Variants in ACOT11 observed in about 807,000 individuals in gnomAD.
The protein encoded by ACOT11 is acyl-CoA thioesterase 11.
A neutral mutation model predicts 77.5 loss-of-function variants in ACOT11; 69 were observed. The ratio of observed to expected loss-of-function variants is 0.89; its 90% CI spans 0.73 to 1.09. The LOEUF is 1.09. ACOT11 is among the 50% of genes least tolerant of loss of function. The pLI, the probability that ACOT11 is intolerant of heterozygous loss-of-function variation, is 0.00. For missense variants in ACOT11, 766 were observed against 813.7 expected (o/e 0.94, Z 0.71); for synonymous variants, 279 against 313.0 (o/e 0.89, Z 1.15).
chr1:54,573,125 A>G (rs1569680829), intron 1 of ACOT11: 5 of 985,416 alleles, frequency 5.1e-6, no homozygotes, highest in Non-Finnish European at 4.8e-6. Context: ...GGCTCCAGGT[A>G]TGGGTCCTGG....
intron 1 of ACOT11, among the ~76,000 whole-genome samples, chr1:54,560,980 C>A (rs1653455371): frequency 6.6e-6 from 1 of 151,944 alleles, no homozygotes; most frequent in African/African-American, 2.4e-5. Flanking sequence ...ACCTCGGCCT[C>A]CCAAAGTGCT....
chr1:54,614,291 A>C (rs1378542464), downstream of ACOT11, among the ~76,000 whole-genome samples: 1 of 152,202 alleles, frequency 6.6e-6, no homozygotes, highest in Non-Finnish European at 1.5e-5. Context: ...CTTCTCTAGC[A>C]GGCCAAATCC....
At chr1:54,616,131 G>A (rs766409875) in intron 15 of ACOT11, 2 of 1,614,162 alleles carry the variant, frequency 1.2e-6, no homozygotes, top group South Asian at 1.1e-5. Flanking sequence ...GCTGTGCCGA[G>A]CCCTTCTACA....
intron 1 of ACOT11, among the ~76,000 whole-genome samples, chr1:54,554,353 T>TATATATATATA (rs1557644014): frequency 1.1e-3 from 37 of 33,428 alleles, no homozygotes; most frequent in Non-Finnish European, 2.5e-3. Flanking sequence ...ATATATATAT[T>TATATATATATA]TTTTTTTTTT....
At chr1:54,551,711 TTTTG>T (rs1429601711) in intron 1 of ACOT11, among the ~76,000 whole-genome samples, 2 of 150,926 alleles carry the variant, frequency 1.3e-5, no homozygotes, top group Non-Finnish European at 2.9e-5. Context: ...GCTGTTTTTG[TTTTG>T]TTTTTGTTTT....
intron 1 of ACOT11, among the ~76,000 whole-genome samples, chr1:54,568,699 G>C (rs907481328): frequency 1.3e-5 from 2 of 151,996 alleles, no homozygotes; most frequent in Non-Finnish European, 2.9e-5. Flanking sequence ...GAGGCTGGGG[G>C]GCCCAGTGTG....
At chr1:54,564,376 C>T (rs1164122805) in intron 1 of ACOT11, among the ~76,000 whole-genome samples, 1 of 146,814 alleles carries the variant, frequency 6.8e-6, no homozygotes, top group Non-Finnish European at 1.5e-5. Context: ...CAGAGAGGAC[C>T]AGGTTCAGGT....
chr1:54,561,087 TTTTA>T (rs1557646512), intron 1 of ACOT11, among the ~76,000 whole-genome samples: 31 of 126,776 alleles, frequency 2.4e-4, no homozygotes, highest in Middle Eastern at 7.9e-3. Flanking sequence ...TTTTTATTTT[TTTTA>T]TTTTTTTTTA....
At chr1:54,611,684 C>T (rs781597271), downstream of ACOT11, 21 of 1,613,946 alleles carry the variant, frequency 1.3e-5, no homozygotes, top group South Asian at 3.3e-5. Context: ...TTATCCCGGA[C>T]GTAGAGCAGA....
intron 10 of ACOT11, among the ~76,000 whole-genome samples, chr1:54,603,165 C>T (rs185780571): frequency 1.8e-4 from 27 of 152,286 alleles, no homozygotes; most frequent in African/African-American, 5.8e-4. Flanking sequence ...GGCAAAACCC[C>T]GTCTCTACTA....
chr1:54,629,921 A>T lies in ACOT11; in HGVS notation c.1630-813A>T, dbSNP rs1032561670. 8.3e-5 allele frequency among the ~76,000 whole-genome samples: 11 copies of T among 132,704 alleles called. 1 individual carries two copies. Among genetic ancestry groups the T allele is most frequent in the Non-Finnish European group, 1.4e-4 (8 of 58,768 alleles). 87.1% of individuals were successfully genotyped at this position (132,704 alleles called of 152,430 possible). ...TTTTATTTTTATTTTTATGTTTGAG[A>T]CGGAGTCTTGCTCTGTCGCCCAGGC... On this transcript the variant is annotated intron_variant, in intron 15 of 16. Transcript: ENST00000371316.
chr1:54,552,070 C>T (rs139154396), intron 1 of ACOT11, among the ~76,000 whole-genome samples: 4 of 152,280 alleles, frequency 2.6e-5, no homozygotes, highest in East Asian at 3.9e-4. Flanking sequence ...GTTCACCCCA[C>T]GGTTCACGGT....
chr1:54,608,077 G>A lies in ACOT11; in HGVS notation c.1629+9G>A, dbSNP rs115702810. 2.1e-3 allele frequency: 3,415 copies of A among 1,605,750 alleles called. 59 individuals are homozygous for A. In the African/African-American group the frequency reaches 0.04, roughly 19 times the overall value. On this transcript the variant is annotated intron_variant, in intron 15 of 15. Coordinates refer to ENST00000343744, the MANE Select transcript of ACOT11 (RefSeq NM_147161.4). ...GGGACCAGCTGACCAAGGTGAGGCCGGTCCCCCCAACCACGCCCCCAGCCT... is the reference window on the plus strand; with the variant it reads ...GGGACCAGCTGACCAAGGTGAGGCCAGTCCCCCCAACCACGCCCCCAGCCT...
chr1:54,634,219 T>C (rs1460209459), intron 16 of ACOT11, among the ~76,000 whole-genome samples: 1 of 152,278 alleles, frequency 6.6e-6, no homozygotes, highest in African/African-American at 2.4e-5. Context: ...ATCATTTTCC[T>C]AAAATGAAGC....
At chr1:54,554,377 A>G (rs1569634137) in intron 1 of ACOT11, among the ~76,000 whole-genome samples, 3 of 109,374 alleles carry the variant, frequency 2.7e-5, no homozygotes, top group Admixed American at 1.2e-4. Flanking sequence ...TTTGAGATGG[A>G]GTCCTGCTTT....
intron 3 of ACOT11, among the ~76,000 whole-genome samples, chr1:54,592,069 C>G (rs1654730515): frequency 6.6e-6 from 1 of 152,194 alleles, no homozygotes; most frequent in African/African-American, 2.4e-5. Flanking sequence ...ATGTGCTAGG[C>G]CTTGGAGAGT....
At chr1:54,550,408 C>T (rs1313445684) in intron 1 of ACOT11, among the ~76,000 whole-genome samples, 1 of 152,194 alleles carries the variant, frequency 6.6e-6, no homozygotes, top group Non-Finnish European at 1.5e-5. Flanking sequence ...TGGCAGATCT[C>T]TTTGGATTTC....
chr1:54,616,274 A>C (rs1242883914), intron 15 of ACOT11: 2 of 1,038,854 alleles, frequency 1.9e-6, no homozygotes, highest in African/African-American at 3.2e-5. Flanking sequence ...TGAGAAATAC[A>C]GAAAAGTGGA....
At chr1:54,624,298 G>C (rs939272749) in intron 15 of ACOT11, among the ~76,000 whole-genome samples, 1 of 152,010 alleles carries the variant, frequency 6.6e-6, no homozygotes, top group East Asian at 1.9e-4. Context: ...GGCAGTTGGT[G>C]GCTTTGATTG....
Sources: allele counts gnomAD v4.1 joint callset (sites outside exome capture counted in the v4.1 genomes callset), GRCh38; gene constraint gnomAD v4.1.1; transcripts MANE v1.5; gene names NCBI Gene and HGNC (gene_info 2026-07-23, HGNC 2026-07-21).